Variants in PCDHGA3 observed in about 807,000 individuals in gnomAD.
PCDHGA3 encodes the protein protocadherin gamma subfamily A, 3.
PCDHGA3 carries 40 observed loss-of-function variants against 58.5 expected under a neutral mutation model. That is an observed-to-expected ratio of 0.68 (90% CI 0.53 to 0.89). The LOEUF is 0.89. Among genes scored for constraint, PCDHGA3 ranks in the 40% least tolerant of loss-of-function variants. The pLI is 0.00. For synonymous variants in PCDHGA3, 530 were observed against 525.7 expected (o/e 1.01, Z -0.11); for missense variants, 1,223 against 1,195.9 (o/e 1.02, Z -0.33).
At chr5:141,452,193 GT>G (rs1375451557) in intron 1 of PCDHGA3, among the ~76,000 whole-genome samples, 1 of 151,990 alleles carries the variant, frequency 6.6e-6, no homozygotes, top group Non-Finnish European at 1.5e-5. Context: ...ACCTCAAATT[GT>G]TTTAGATGTT....
intron 1 of PCDHGA3, among the ~76,000 whole-genome samples, chr5:141,353,186 C>A (rs1033300245): frequency 6.6e-6 from 1 of 151,994 alleles, no homozygotes; most frequent in African/African-American, 2.4e-5. Flanking sequence ...GTATGGTTGG[C>A]AAATCTTGCT....
In PCDHGA3 at chr5:141,477,794, C is replaced by A. The variant is rs148942362; in HGVS notation, c.2425-17013C>A. On this transcript the variant is annotated intron_variant, in intron 1 of 3. Coordinates refer to ENST00000253812, the MANE Select transcript of PCDHGA3 (RefSeq NM_018916.4). This position sits in a 1 kb window ranked among gnomAD's most constrained non-coding sequence, Gnocchi z 4.9. ...CAGCGTGAACATATTTGTCACTGAT[C>A]GCAATGACAATGCCCCCCAGGTCCT... The A allele has an allele frequency of 5.6e-6, 9 of 1,614,086 alleles. No individual in the cohort carries two copies. Among genetic ancestry groups the A allele is most frequent in the Non-Finnish European group, 7.6e-6 (9 of 1,180,030 alleles).
At chr5:141,394,326 A>G in intron 1 of PCDHGA3, 1 of 1,613,902 alleles carries the variant, frequency 6.2e-7, no homozygotes, top group Non-Finnish European at 8.5e-7. Flanking sequence ...GTCCTCGTAT[A>G]TCTCCATCAA....
chr5:141,478,903 C>T lies in PCDHGA3; in HGVS notation c.2425-15904C>T. On this transcript the variant is annotated intron_variant, in intron 1 of 3. Transcript: ENST00000253812. Reference sequence around the variant, plus strand: ...TGGTATCATTTACATTAGGAATAAGCTGCTGGATACCTCTAACCAGTGGCA... The same window carrying T: ...TGGTATCATTTACATTAGGAATAAGTTGCTGGATACCTCTAACCAGTGGCA... 4.2e-6 allele frequency: 4 copies of T among 957,824 alleles called. No homozygotes were observed. The South Asian group carries it at 7.3e-5, about 18-fold the overall frequency. 59.3% of individuals were successfully genotyped at this position (957,824 alleles called of 1,614,324 possible). A position where few individuals can be genotyped will look rare whatever the true frequency, so the allele number is the denominator to read the frequency against.
intron 1 of PCDHGA3, chr5:141,375,893 C>G (rs1156930577): frequency 5.0e-6 from 8 of 1,613,804 alleles, no homozygotes; most frequent in Non-Finnish European, 5.1e-6. Flanking sequence ...GAACGCCTGG[C>G]TGTCCTACCG....
At chr5:141,394,482 G>A in intron 1 of PCDHGA3, 1 of 1,614,240 alleles carries the variant, frequency 6.2e-7, no homozygotes, top group Non-Finnish European at 8.5e-7. Context: ...GGACCAGAAT[G>A]ACAACGCGCC....
At position 141,491,969 on chromosome 5, in the gene PCDHGA3, C is replaced by A; in HGVS notation, c.2425-2838C>A. ...CCCCTACACTCAAAAAAGGCCGGGGCCTCCTTCGAGCTTCCGGTGAATTTC... is the reference window on the plus strand; with the variant it reads ...CCCCTACACTCAAAAAAGGCCGGGGACTCCTTCGAGCTTCCGGTGAATTTC... On this transcript the variant is annotated intron_variant, in intron 1 of 3. Coordinates refer to ENST00000253812, the MANE Select transcript of PCDHGA3 (RefSeq NM_018916.4). The surrounding 1 kb of genome is among the most constrained non-coding windows in gnomAD (Gnocchi z 6.9). 1 of 898,714 alleles carries A rather than the reference C, an allele frequency of 1.1e-6. No individual in the cohort carries two copies. Among genetic ancestry groups the A allele is most frequent in the Non-Finnish European group, 1.6e-6 (1 of 629,384 alleles). 55.7% of individuals were successfully genotyped at this position (898,714 alleles called of 1,614,324 possible). A position where few individuals can be genotyped will look rare whatever the true frequency, so the allele number is the denominator to read the frequency against.
In PCDHGA3 at chr5:141,485,870, C is replaced by A. The variant is rs745737454; in HGVS notation, c.2425-8937C>A. On this transcript the variant is annotated intron_variant, in intron 1 of 3. Coordinates refer to ENST00000253812, the MANE Select transcript of PCDHGA3 (RefSeq NM_018916.4). The surrounding 1 kb of genome is among the most constrained non-coding windows in gnomAD (Gnocchi z 5.7). ...CACCGCAGAGCTCCGGGTATCCGTGCTGGACGTAAACGACAACGCCCCAGC... is the reference window on the plus strand; with the variant it reads ...CACCGCAGAGCTCCGGGTATCCGTGATGGACGTAAACGACAACGCCCCAGC... 1 of 1,614,174 alleles carries A rather than the reference C, an allele frequency of 6.2e-7. No homozygotes were observed. Among genetic ancestry groups the A allele is most frequent in the Non-Finnish European group, 8.5e-7 (1 of 1,180,032 alleles).
At chr5:141,406,474 T>TA (rs1309995681) in intron 1 of PCDHGA3, among the ~76,000 whole-genome samples, 1 of 152,248 alleles carries the variant, frequency 6.6e-6, no homozygotes, top group Non-Finnish European at 1.5e-5. Flanking sequence ...TCTTTGAGGT[T>TA]ATATTTTTCA....
rs543908773 is a variant in PCDHGA3, at chr5:141,400,145, A to G, written c.2424+53688A>G. ...CAGGAGGTGCTGCCGGATATCACTG[A>G]CCGCCCTGTACCCTCTGACCCCCAG... On this transcript the variant is annotated intron_variant, in intron 1 of 3. Coordinates refer to ENST00000253812, the MANE Select transcript of PCDHGA3 (RefSeq NM_018916.4). The G allele has an allele frequency of 4.1e-5, 66 of 1,613,312 alleles. No individual in the cohort carries two copies. The South Asian group carries it at 5.4e-4, about 13-fold the overall frequency.
Position 141,477,265 on chromosome 5 carries a change from G to T in PCDHGA3, c.2425-17542G>T. On this transcript the variant is annotated intron_variant, in intron 1 of 3. Coordinates refer to ENST00000253812, the MANE Select transcript of PCDHGA3 (RefSeq NM_018916.4). The surrounding 1 kb of genome is among the most constrained non-coding windows in gnomAD (Gnocchi z 4.9). ...GTGTGACTGACCTGGATGCTGGCGA[G>T]AACGGGCTGGTGACCTGCGAAGTTC... 6.2e-7 allele frequency: 1 copy of T among 1,614,198 alleles called. No individual in the cohort carries two copies. Among genetic ancestry groups the T allele is most frequent in the Non-Finnish European group, 8.5e-7 (1 of 1,180,044 alleles).
At chr5:141,469,770 A>G (rs1003620088) in intron 1 of PCDHGA3, among the ~76,000 whole-genome samples, 4 of 152,234 alleles carry the variant, frequency 2.6e-5, no homozygotes, top group Non-Finnish European at 5.9e-5. Flanking sequence ...ATACCAGCTT[A>G]TTTATTACAG....
chr5:141,416,101 C>CT (rs34144584), intron 1 of PCDHGA3: 1 of 158,972 alleles, frequency 6.3e-6, no homozygotes, highest in Non-Finnish European at 1.4e-5. Context: ...GGCAATAGGC[C>CT]TTTTTCAAAC....
chr5:141,389,281 G>A (rs768749414), intron 1 of PCDHGA3: 3 of 1,614,012 alleles, frequency 1.9e-6, no homozygotes, highest in South Asian at 2.2e-5. Context: ...AACCCGCCTG[G>A]AGCCTCTATT....
At chr5:141,463,834 A>G (rs1212299231) in intron 1 of PCDHGA3, among the ~76,000 whole-genome samples, 4 of 152,108 alleles carry the variant, frequency 2.6e-5, no homozygotes, top group East Asian at 1.9e-4. Flanking sequence ...TCCACTTCCC[A>G]GTTGTTATAG....
intron 1 of PCDHGA3, chr5:141,417,931 G>T (rs551432799): frequency 6.8e-6 from 11 of 1,611,382 alleles, no homozygotes; most frequent in Middle Eastern, 1.6e-4. Flanking sequence ...TGCTGCCTTT[G>T]TTCTACCCCA....
intron 1 of PCDHGA3, among the ~76,000 whole-genome samples, chr5:141,482,178 C>T (rs950570560): frequency 2.6e-5 from 4 of 151,968 alleles, no homozygotes; most frequent in African/African-American, 4.8e-5. Context: ...TAAGGCTTTA[C>T]GATGCTCCAG....
chr5:141,505,322 G>A, intron 2 of PCDHGA3, 71 bp from the exon 3 acceptor site: 1 of 1,606,332 alleles, frequency 6.2e-7, no homozygotes, highest in African/African-American at 1.3e-5. Context: ...TGGGAGCCCT[G>A]GGAGAGGACA....
chr5:141,419,175 C>A lies in PCDHGA3; in HGVS notation c.2424+72718C>A, dbSNP rs185228661. On this transcript the variant is annotated intron_variant, in intron 1 of 3. Transcript: ENST00000253812. Reference sequence around the variant, plus strand: ...CCGTTATCCTCCAGCAAAACCATAACCCTGCACATTACTGACGTCAATGAC... The same window carrying A: ...CCGTTATCCTCCAGCAAAACCATAAACCTGCACATTACTGACGTCAATGAC... The A allele has an allele frequency of 5.2e-4, 837 of 1,613,966 alleles. 3 individuals carry two copies. Among genetic ancestry groups the A allele is most frequent in the Non-Finnish European group, 9.3e-5 (110 of 1,179,894 alleles).
Sources: gnomAD v4.1 joint callset for allele counts (sites outside exome capture counted in the v4.1 genomes callset) on GRCh38, gnomAD v4.1.1 for gene constraint, Gnocchi (gnomAD v3.1) non-coding constraint, MANE v1.5 for transcripts, NCBI Gene and HGNC (gene_info 2026-07-23, HGNC 2026-07-21) for gene names.